CLCN3: variants seen among roughly 807,000 people sequenced by gnomAD.
CLCN3 encodes the protein Cl-/H+ antiporter 3.
Under a neutral mutation model 83.4 loss-of-function variants are expected in CLCN3, and 16 were observed. That is an observed-to-expected ratio of 0.19 (90% confidence interval 0.13 to 0.29). CLCN3 has a LOEUF of 0.29. CLCN3 is among the 10% of genes least tolerant of loss of function. The pLI is 1.00. For synonymous variants in CLCN3, 322 were observed against 346.2 expected (o/e 0.93, Z 0.78); for missense variants, 544 against 1,006.0 (o/e 0.54, Z 6.21).
At chr4:169,694,797 C>G (rs1241386042) in intron 7 of CLCN3, among the ~76,000 whole-genome samples, 1 of 152,072 alleles carries the variant, frequency 6.6e-6, no homozygotes, top group Non-Finnish European at 1.5e-5. Flanking sequence ...TGAGACGACG[C>G]CATTGCACTC....
At chr4:169,643,393 G>A (rs1730478182) in intron 2 of CLCN3, among the ~76,000 whole-genome samples, 1 of 152,006 alleles carries the variant, frequency 6.6e-6, no homozygotes, top group African/African-American at 2.4e-5. Context: ...ACCATGCCTG[G>A]CTAATTTTTT....
chr4:169,705,784 G>A (rs1458201908), intron 10 of CLCN3, among the ~76,000 whole-genome samples: 1 of 152,140 alleles, frequency 6.6e-6, no homozygotes, highest in Non-Finnish European at 1.5e-5. Context: ...CACAGTAAAA[G>A]TAGTACTTAG....
intron 2 of CLCN3, among the ~76,000 whole-genome samples, chr4:169,669,763 G>T (rs1488589935): frequency 6.6e-6 from 1 of 152,074 alleles, no homozygotes; most frequent in Non-Finnish European, 1.5e-5. Flanking sequence ...CATATAGTTA[G>T]GTAAAGTTGG....
chr4:169,712,960 A>G, intron 11 of CLCN3, 119 bp from the exon 12 acceptor site: 1 of 697,248 alleles, frequency 1.4e-6, no homozygotes, highest in Non-Finnish European at 2.5e-6. Flanking sequence ...AGAAGATAGG[A>G]AAAAATGAAG....
intron 2 of CLCN3, among the ~76,000 whole-genome samples, chr4:169,659,108 AC>A (rs1730969671): frequency 6.6e-6 from 1 of 152,008 alleles, no homozygotes; most frequent in African/African-American, 2.4e-5. Flanking sequence ...ATTTTATAGA[AC>A]CCTTGAGTTC....
At chr4:169,676,759 A>G (rs1731697585) in intron 2 of CLCN3, among the ~76,000 whole-genome samples, 1 of 151,718 alleles carries the variant, frequency 6.6e-6, no homozygotes, top group South Asian at 2.1e-4. Flanking sequence ...CAGCCTCCCA[A>G]AATGCTGGGA....
chr4:169,633,831 T>G (rs1773440892), intron 1 of CLCN3, among the ~76,000 whole-genome samples: 1 of 152,190 alleles, frequency 6.6e-6, no homozygotes, highest in Non-Finnish European at 1.5e-5. Context: ...TGGTAGGTAT[T>G]TTACACTTAG....
intron 2 of CLCN3, among the ~76,000 whole-genome samples, chr4:169,653,509 T>C (rs1295389551): frequency 6.6e-6 from 1 of 151,172 alleles, no homozygotes; most frequent in Non-Finnish European, 1.5e-5. Context: ...GGCGTGGTGG[T>C]GGGCGCCTGT....
chr4:169,663,559 C>G (rs1731142638), intron 2 of CLCN3: 1 of 386,162 alleles, frequency 2.6e-6, no homozygotes, highest in African/African-American at 2.2e-5. Context: ...AGGCTGGTCT[C>G]CAACTCCTGG....
At chr4:169,673,565 CTT>C (rs371372030) in intron 2 of CLCN3, among the ~76,000 whole-genome samples, 6 of 144,864 alleles carry the variant, frequency 4.1e-5, no homozygotes, top group Admixed American at 1.4e-4. Flanking sequence ...AGAAATTTCA[CTT>C]TTTTTTTTTT....
chr4:169,633,731 C>T (rs1243065230), intron 1 of CLCN3, among the ~76,000 whole-genome samples: 1 of 152,062 alleles, frequency 6.6e-6, no homozygotes, highest in Non-Finnish European at 1.5e-5. Context: ...TTATTTAACC[C>T]AATGGATCTA....
chr4:169,658,000 AC>A (rs1298322915), intron 2 of CLCN3, among the ~76,000 whole-genome samples: 1 of 152,100 alleles, frequency 6.6e-6, no homozygotes, highest in Non-Finnish European at 1.5e-5. Context: ...TGATTCTTTT[AC>A]TTTAAGAAAG....
chr4:169,702,880 G>A (rs746391407), intron 9 of CLCN3: 2 of 232,178 alleles, frequency 8.6e-6, no homozygotes, highest in African/African-American at 2.2e-5. Context: ...GCCAAGAGAC[G>A]TGACTTCTGC....
At chr4:169,687,075 G>C (rs1246031956) in intron 3 of CLCN3, among the ~76,000 whole-genome samples, 1 of 152,168 alleles carries the variant, frequency 6.6e-6, no homozygotes, top group Admixed American at 6.5e-5. Context: ...ATTATACACA[G>C]ATCCTGTCTT....
intron 1 of CLCN3, among the ~76,000 whole-genome samples, chr4:169,635,014 G>T (rs1773468931): frequency 6.6e-6 from 1 of 152,160 alleles, no homozygotes; most frequent in Admixed American, 6.5e-5. Context: ...CTGAGTAGAA[G>T]AGATTGTCTT....
At position 169,659,207 on chromosome 4, in the gene CLCN3, C is replaced by G. The variant is rs560611008; in HGVS notation, c.161-20843C>G. The stretch of plus-strand genomic sequence containing the variant: ...ACAGGCATTTCAGGAGGAGAATCTC[C>G]CAGTCTAGAGGAATCCTCTCAGAGG... On this transcript the variant is annotated intron_variant, in intron 2 of 12. Transcript: ENST00000513761. 3.9e-5 allele frequency among the ~76,000 whole-genome samples: 6 copies of G among 152,192 alleles called. No homozygotes were observed. The East Asian group carries it at 1.2e-3, about 29-fold the overall frequency.
chr4:169,702,172 A>C (rs1261993170), intron 9 of CLCN3, among the ~76,000 whole-genome samples: 1 of 152,054 alleles, frequency 6.6e-6, no homozygotes, highest in African/African-American at 2.4e-5. Flanking sequence ...TTAGAGAGAG[A>C]GCATGAGAGC....
At chr4:169,699,621 C>T (rs1357958800) in intron 9 of CLCN3, among the ~76,000 whole-genome samples, 2 of 152,170 alleles carry the variant, frequency 1.3e-5, no homozygotes, top group African/African-American at 2.4e-5. Context: ...CAGTGGCTCA[C>T]ACCTGTAATC....
intron 3 of CLCN3, among the ~76,000 whole-genome samples, chr4:169,684,589 T>A (rs1357437155): frequency 1.3e-5 from 2 of 152,192 alleles, no homozygotes; most frequent in Admixed American, 6.5e-5. Context: ...GCAGCAAACC[T>A]GGAATCAGCC....
Sources: allele counts gnomAD v4.1 joint callset (sites outside exome capture counted in the v4.1 genomes callset), GRCh38; gene constraint gnomAD v4.1.1; transcripts MANE v1.5; gene names NCBI Gene and HGNC (gene_info 2026-07-23, HGNC 2026-07-21).